ACOX3: variants seen among roughly 807,000 people sequenced by gnomAD.
ACOX3 encodes the protein peroxisomal acyl-coenzyme A oxidase 3.
In ACOX3, 73 loss-of-function variants were observed where a neutral mutation model predicts 81.5. The observed-to-expected ratio is 0.90, with a 90% confidence interval of 0.74 to 1.09. The LOEUF (loss-of-function observed/expected upper bound fraction) is 1.09, where lower values mean the gene tolerates loss of function less well. Ranked by LOEUF, ACOX3 falls within the 50% of genes least tolerant of loss-of-function variation. The pLI, the probability that ACOX3 is intolerant of heterozygous loss-of-function variation, is 0.00. For missense variants in ACOX3, 947 were observed against 928.0 expected (o/e 1.02, Z -0.27); for synonymous variants, 387 against 375.1 (o/e 1.03, Z -0.37).
intron 6 of ACOX3, among the ~76,000 whole-genome samples, chr4:8,408,186 A>G (rs1200482166): frequency 1.3e-5 from 2 of 151,444 alleles, no homozygotes; most frequent in Non-Finnish European, 2.9e-5. Context: ...AAGGGCTAAA[A>G]CCCAAATGTA....
intron 7 of ACOX3, among the ~76,000 whole-genome samples, chr4:8,401,362 G>T (rs12503034): frequency 6.6e-6 from 1 of 151,926 alleles, no homozygotes; most frequent in Non-Finnish European, 1.5e-5. Flanking sequence ...GGGAACCAGA[G>T]GCACCCGTTT....
rs1720205829 is a variant in ACOX3, at chr4:8,400,094, A to AC, written c.777-443_777-442insG. ...AAACCCCGTCTCTACTAAAAATACA[A>AC]AAAAAAATTAGCCAGGAGTGGTGGC... On this transcript the variant is annotated intron_variant, in intron 7 of 17. Transcript: ENST00000356406. This position sits in a 1 kb window ranked among gnomAD's most constrained non-coding sequence, Gnocchi z 4.4. 1.3e-5 allele frequency among the ~76,000 whole-genome samples: 2 copies of AC among 151,712 alleles called. No homozygotes were observed. The highest frequency in any genetic ancestry group is 6.6e-5 in the Admixed American group (1 of 15,210).
chr4:8,412,525 T>C (rs1321146560), intron 5 of ACOX3, among the ~76,000 whole-genome samples: 2 of 151,928 alleles, frequency 1.3e-5, no homozygotes, highest in South Asian at 2.1e-4. Flanking sequence ...GATGAATGGA[T>C]GGATGGAAGA....
Position 8,394,833 on chromosome 4 carries a change from G to A in ACOX3, c.1057-91C>T. 2 of 1,488,000 alleles carry A rather than the reference G, an allele frequency of 1.3e-6. No homozygotes were observed. The highest frequency in any genetic ancestry group is 1.4e-5 in the African/African-American group (1 of 71,724). The allele number at this position is 1,488,000 out of a possible 1,614,324, so 92.2% of individuals were successfully genotyped here. ...ACCATGAAAGCCAGTGCAGGGAGAGGCCGTCAGGGCCACACACCCACTAGC... is the reference window on the plus strand; with the variant it reads ...ACCATGAAAGCCAGTGCAGGGAGAGACCGTCAGGGCCACACACCCACTAGC... On this transcript the variant is annotated intron_variant, in intron 9 of 17. Coordinates refer to ENST00000356406, the MANE Select transcript of ACOX3 (RefSeq NM_003501.3). The surrounding 1 kb of genome is among the most constrained non-coding windows in gnomAD (Gnocchi z 5.9).
At position 8,381,803 on chromosome 4, in the gene ACOX3, C is replaced by A. The variant is rs1717689489; in HGVS notation, c.1538-196G>T. 6.6e-6 allele frequency among the ~76,000 whole-genome samples: 1 copy of A among 152,208 alleles called. No homozygotes were observed. Among genetic ancestry groups the A allele is most frequent in the South Asian group, 2.1e-4 (1 of 4,830 alleles). Reference sequence around the variant, plus strand: ...CAGGGAGGGCACCTGCCCAGGGCCCCCCTGGCTGGAGGCACTTCCTGGCTC... The same window carrying A: ...CAGGGAGGGCACCTGCCCAGGGCCCACCTGGCTGGAGGCACTTCCTGGCTC... On this transcript the variant is annotated intron_variant, in intron 13 of 17. Transcript: ENST00000356406. The surrounding 1 kb of genome is among the most constrained non-coding windows in gnomAD (Gnocchi z 4.3).
chr4:8,361,829 A>G (rs1018873259), downstream of ACOX3, among the ~76,000 whole-genome samples: 3 of 152,252 alleles, frequency 2.0e-5, no homozygotes, highest in African/African-American at 7.2e-5. Flanking sequence ...TGGTACAAAA[A>G]TTGCTCAGGA....
At chr4:8,378,073 C>A (rs1327027780) in intron 14 of ACOX3, among the ~76,000 whole-genome samples, 1 of 152,232 alleles carries the variant, frequency 6.6e-6, no homozygotes. Flanking sequence ...AGGCTCGATG[C>A]AGCTAAGGTC....
At chr4:8,379,255 G>A (rs1296546736) in intron 14 of ACOX3, among the ~76,000 whole-genome samples, 2 of 152,176 alleles carry the variant, frequency 1.3e-5, no homozygotes, top group Non-Finnish European at 2.9e-5. Flanking sequence ...ATGCCGTATT[G>A]CAGGGGAAGG....
At chr4:8,412,743 T>C (rs545643589) in intron 5 of ACOX3, among the ~76,000 whole-genome samples, 50 of 152,008 alleles carry the variant, frequency 3.3e-4, no homozygotes, top group Non-Finnish European at 5.9e-4. Context: ...AGGAGAGTCA[T>C]GTGGTGGCAG....
rs893700215 is a variant in ACOX3, at chr4:8,370,624, G to A, written c.1983+284C>T. 4.0e-5 allele frequency among the ~76,000 whole-genome samples: 6 copies of A among 151,848 alleles called. No homozygotes were observed. Among genetic ancestry groups the A allele is most frequent in the African/African-American group, 1.5e-4 (6 of 41,302 alleles). ...GGGAGGAGGGCAGAGGTCACAGTGTGTGGACCTCCAACCTCTGCCTGTGCA... is the reference window on the plus strand; with the variant it reads ...GGGAGGAGGGCAGAGGTCACAGTGTATGGACCTCCAACCTCTGCCTGTGCA... On this transcript the variant is annotated intron_variant, in intron 17 of 17. Transcript: ENST00000356406. This position sits in a 1 kb window ranked among gnomAD's most constrained non-coding sequence, Gnocchi z 6.3.
chr4:8,434,927 G>T (rs183287746), intron 1 of ACOX3, among the ~76,000 whole-genome samples: 2 of 152,268 alleles, frequency 1.3e-5, no homozygotes, highest in East Asian at 3.9e-4. Context: ...TTCCTTTAGT[G>T]TGAATTAGAC....
At chr4:8,375,211 G>T (rs1426718842) in intron 14 of ACOX3, 59 bp from the exon 15 acceptor site, 14 of 1,455,396 alleles carry the variant, frequency 9.6e-6, no homozygotes, top group Non-Finnish European at 1.8e-6. Flanking sequence ...CCAGATTCCC[G>T]GGGGAGGAAG....
chr4:8,356,081 AACATGCTGGGAAGAG>A, the ACOX3 span: 1 of 205,864 alleles, frequency 4.9e-6, no homozygotes, highest in East Asian at 1.0e-4. Context: ...CTTCCTGTTG[AACATGCTGGGAAGAG>A]GAGACTTACC....
Position 8,389,571 on chromosome 4 carries a change from T to C in ACOX3, c.1423+41A>G, listed in dbSNP as rs114372559. On this transcript the variant is annotated intron_variant, in intron 12 of 17. Coordinates refer to ENST00000356406, the MANE Select transcript of ACOX3 (RefSeq NM_003501.3). The surrounding 1 kb of genome is among the most constrained non-coding windows in gnomAD (Gnocchi z 5.3). ...CCAGGAGAACCCACCCCTGCCCCAG[T>C]TGGGTTCCAGCGCCCCCACCAGTGT... The C allele has an allele frequency of 6.8e-6, 11 of 1,611,994 alleles. No individual in the cohort carries two copies. The highest frequency in any genetic ancestry group is 2.2e-5 in the East Asian group (1 of 44,848).
chr4:8,381,938 C>A lies in ACOX3; in HGVS notation c.1538-331G>T, dbSNP rs116834870. On this transcript the variant is annotated intron_variant, in intron 13 of 17. Transcript: ENST00000356406. This position sits in a 1 kb window ranked among gnomAD's most constrained non-coding sequence, Gnocchi z 4.3. ...AGTGGGACGGCTGCACGTTCTCGCA[C>A]GCACCAGGCTCGGTCTGTGTGAAGC... Among the ~76,000 whole-genome samples, 1 of 152,260 alleles carries A rather than the reference C, an allele frequency of 6.6e-6. No individual in the cohort carries two copies. The highest frequency in any genetic ancestry group is 2.4e-5 in the African/African-American group (1 of 41,478).
intron 14 of ACOX3, 91 bp from the exon 15 acceptor site, chr4:8,375,243 G>A (rs1272425604): frequency 7.6e-6 from 10 of 1,309,854 alleles, no homozygotes; most frequent in Non-Finnish European, 1.0e-5. Context: ...CACGAACGCG[G>A]GTCTGCGTTC....
intron 1 of ACOX3, among the ~76,000 whole-genome samples, chr4:8,417,812 G>A (rs1014943489): frequency 6.6e-6 from 1 of 152,154 alleles, no homozygotes; most frequent in Non-Finnish European, 1.5e-5. Flanking sequence ...CAGCTAGACT[G>A]GCCAAATAAA....
intron 5 of ACOX3, among the ~76,000 whole-genome samples, chr4:8,413,932 C>A (rs1263630804): frequency 6.6e-6 from 1 of 152,244 alleles, no homozygotes; most frequent in African/African-American, 2.4e-5. Flanking sequence ...ATGGGGCCCA[C>A]CGTAGAAACC....
At chr4:8,372,644 C>G (rs143259608) in intron 16 of ACOX3, among the ~76,000 whole-genome samples, 1 of 152,320 alleles carries the variant, frequency 6.6e-6, no homozygotes, top group East Asian at 1.9e-4. Context: ...GAACCGCAGG[C>G]TCAGGGAAGG....
Sources: allele counts gnomAD v4.1 joint callset (sites outside exome capture counted in the v4.1 genomes callset), GRCh38; gene constraint gnomAD v4.1.1; non-coding constraint Gnocchi (gnomAD v3.1); transcripts MANE v1.5; gene names NCBI Gene and HGNC (gene_info 2026-07-23, HGNC 2026-07-21).